The following IGF2BP2 variants were observed in gnomAD, a reference collection of about 807,000 sequenced individuals.
IGF2BP2 encodes insulin-like growth factor 2 mRNA-binding protein 2.
IGF2BP2 carries 17 observed loss-of-function variants against 75.8 expected under a neutral mutation model. The observed-to-expected ratio is 0.22, with a 90% CI of 0.15 to 0.34. The LOEUF is 0.34. Among genes scored for constraint, IGF2BP2 ranks in the 10% least tolerant of loss-of-function variants. IGF2BP2 has a pLI of 1.00. For missense variants in IGF2BP2, 516 were observed against 772.4 expected (o/e 0.67, Z 3.93); for synonymous variants, 288 against 295.6 (o/e 0.97, Z 0.26).
intron 12 of IGF2BP2, among the ~76,000 whole-genome samples, chr3:185,656,075 A>G (rs1344010739): frequency 1.3e-5 from 2 of 152,248 alleles, no homozygotes; most frequent in Non-Finnish European, 2.9e-5. Flanking sequence ...TGGTCCCTCA[A>G]GCCCCTTTTA....
chr3:185,757,354 GA>G (rs879743193), intron 2 of IGF2BP2, among the ~76,000 whole-genome samples: 11 of 151,228 alleles, frequency 7.3e-5, no homozygotes, highest in Non-Finnish European at 1.5e-4. Flanking sequence ...AGAAAATGGT[GA>G]AAAAAACTCC....
chr3:185,820,785 T>C (rs1741277596), intron 2 of IGF2BP2, among the ~76,000 whole-genome samples: 1 of 152,130 alleles, frequency 6.6e-6, no homozygotes, highest in Non-Finnish European at 1.5e-5. Flanking sequence ...ATCACTACAA[T>C]ACAAAGAAAA....
intron 2 of IGF2BP2, chr3:185,718,158 C>T (rs1012301614): frequency 6.6e-6 from 1 of 152,222 alleles, no homozygotes; most frequent in Non-Finnish European, 1.5e-5. Context: ...AAAGTTTTAT[C>T]AAAACACCCA....
chr3:185,645,495 C>CA lies in IGF2BP2; in HGVS notation c.*35dup. The CA allele has an allele frequency of 7.0e-7, 1 of 1,430,764 alleles. No homozygotes were observed. Among genetic ancestry groups the CA allele is most frequent in the Non-Finnish European group, 9.9e-7 (1 of 1,013,194 alleles). 88.6% of individuals were successfully genotyped at this position (1,430,764 alleles called of 1,614,324 possible). A position where few individuals can be genotyped will look rare whatever the true frequency, so the allele number is the denominator to read the frequency against. On this transcript the variant is annotated 3_prime_UTR_variant, in exon 16 of 16. Transcript: ENST00000382199. This position sits in a 1 kb window ranked among gnomAD's most constrained non-coding sequence, Gnocchi z 4.9. The stretch of plus-strand genomic sequence containing the variant: ...ATTCTGTCAGGTGTTGGAAGGGCTA[C>CA]ATTCATCCGTTGTTTTGCTGGTGCC...
intron 7 of IGF2BP2, among the ~76,000 whole-genome samples, chr3:185,684,865 C>A (rs73058850): frequency 1.3e-5 from 2 of 151,916 alleles, no homozygotes. Context: ...AAGCAGGAAC[C>A]AAGTCCTGCT....
chr3:185,713,338 A>G, intron 2 of IGF2BP2: 1 of 497,304 alleles, frequency 2.0e-6, no homozygotes, highest in Non-Finnish European at 4.0e-6. Flanking sequence ...CCATTTTCAC[A>G]TTTTTAAAAT....
At position 185,680,132 on chromosome 3, in the gene IGF2BP2, A is replaced by C. The variant is rs564455080; in HGVS notation, c.813-4219T>G. On this transcript the variant is annotated intron_variant, in intron 7 of 15. Coordinates refer to ENST00000382199, the MANE Select transcript of IGF2BP2 (RefSeq NM_006548.6). The stretch of plus-strand genomic sequence containing the variant: ...AATGAAAGAGGGAACATTACTACCA[A>C]TACGACAGAGATAAAAAGGATTATA... 5.3e-5 allele frequency among the ~76,000 whole-genome samples: 8 copies of C among 152,332 alleles called. No individual in the cohort carries two copies. The South Asian group carries it at 1.7e-3, about 32-fold the overall frequency.
intron 2 of IGF2BP2, among the ~76,000 whole-genome samples, chr3:185,731,839 G>A (rs116641318): frequency 0.018 from 2,809 of 152,038 alleles, 80 homozygotes; most frequent in African/African-American, 0.064. Flanking sequence ...ATAATTAGCC[G>A]GGCGTCGGGG....
chr3:185,733,297 A>G (rs1728429252), intron 2 of IGF2BP2, among the ~76,000 whole-genome samples: 1 of 152,226 alleles, frequency 6.6e-6, no homozygotes, highest in African/African-American at 2.4e-5. Flanking sequence ...CAAGGAAAAG[A>G]GGGTGCTCCA....
At chr3:185,823,343 T>A (rs1156673695) in intron 1 of IGF2BP2, 130 bp from the exon 2 acceptor site, 7 of 562,216 alleles carry the variant, frequency 1.2e-5, no homozygotes, top group Admixed American at 3.9e-5. Flanking sequence ...CCTACCCGGA[T>A]CGAGCTGGGC....
intron 2 of IGF2BP2, among the ~76,000 whole-genome samples, chr3:185,785,013 G>GTCAATTA (rs1735674364): frequency 6.6e-6 from 1 of 152,094 alleles, no homozygotes; most frequent in African/African-American, 2.4e-5. Context: ...ATTAACAGCT[G>GTCAATTA]ACGTGGGACA....
intron 2 of IGF2BP2, among the ~76,000 whole-genome samples, chr3:185,735,949 T>A (rs1469792622): frequency 6.6e-6 from 1 of 152,336 alleles, no homozygotes; most frequent in South Asian, 2.1e-4. Context: ...ATAAACTATA[T>A]GCATACACTT....
At chr3:185,746,371 T>C (rs1050545758) in intron 2 of IGF2BP2, among the ~76,000 whole-genome samples, 10 of 152,122 alleles carry the variant, frequency 6.6e-5, no homozygotes, top group African/African-American at 1.9e-4. Context: ...AACAGCAGCA[T>C]TCTCAAGGGC....
Position 185,798,128 on chromosome 3 carries a change from G to C in IGF2BP2, c.239+25025C>G, listed in dbSNP as rs192400132. Among the ~76,000 whole-genome samples the C allele has an allele frequency of 4.0e-3, 610 of 152,124 alleles. 3 individuals are homozygous for C. Among genetic ancestry groups the C allele is most frequent in the African/African-American group, 0.014 (586 of 41,498 alleles). On this transcript the variant is annotated intron_variant, in intron 2 of 15. Transcript: ENST00000382199. Reference sequence around the variant, plus strand: ...AGGCAAGAGAATCGCTTGAACCCAGGACATGGATGTTGCAGTGAGCTGAGA... The same window carrying C: ...AGGCAAGAGAATCGCTTGAACCCAGCACATGGATGTTGCAGTGAGCTGAGA...
intron 4 of IGF2BP2, among the ~76,000 whole-genome samples, chr3:185,693,996 A>G (rs1722264491): frequency 6.6e-6 from 1 of 152,208 alleles, no homozygotes; most frequent in South Asian, 2.1e-4. Context: ...AGACCCCGAA[A>G]AGCTTAAGGA....
At chr3:185,690,223 T>C (rs1721766645) in intron 5 of IGF2BP2, among the ~76,000 whole-genome samples, 1 of 152,218 alleles carries the variant, frequency 6.6e-6, no homozygotes, top group Admixed American at 6.5e-5. Flanking sequence ...TCAAAAACTC[T>C]TATAAATATC....
intron 6 of IGF2BP2, chr3:185,689,100 T>G (rs1485796032): frequency 2.1e-6 from 1 of 468,500 alleles, no homozygotes; most frequent in Admixed American, 3.9e-5. Flanking sequence ...AAGCATTAGT[T>G]CGCTTACAGG....
chr3:185,709,516 A>C (rs983089677), intron 2 of IGF2BP2, among the ~76,000 whole-genome samples: 1 of 152,226 alleles, frequency 6.6e-6, no homozygotes, highest in Non-Finnish European at 1.5e-5. Context: ...TACTAAAGAC[A>C]CTGGTCTTCA....
intron 2 of IGF2BP2, among the ~76,000 whole-genome samples, chr3:185,786,325 A>G (rs763323749): frequency 1.3e-5 from 2 of 152,102 alleles, no homozygotes; most frequent in Non-Finnish European, 2.9e-5. Flanking sequence ...TCTGAGCCCA[A>G]GCTAAGCCAT....
Sources: allele counts gnomAD v4.1 joint callset (sites outside exome capture counted in the v4.1 genomes callset), GRCh38; gene constraint gnomAD v4.1.1; non-coding constraint Gnocchi (gnomAD v3.1); transcripts MANE v1.5; gene names NCBI Gene and HGNC (gene_info 2026-07-23, HGNC 2026-07-21).